STMN1: variants seen among roughly 807,000 people sequenced by gnomAD.
The protein encoded by STMN1 is stathmin.
Under a neutral mutation model 19.7 loss-of-function variants are expected in STMN1, and 3 were observed. The ratio of observed to expected loss-of-function variants is 0.15; its 90% CI spans 0.07 to 0.39. STMN1 has a LOEUF of 0.39. Among genes scored for constraint, STMN1 ranks in the 10% least tolerant of loss-of-function variants. The pLI, the probability that STMN1 is intolerant of heterozygous loss-of-function variation, is 1.00. For synonymous variants in STMN1, 59 were observed against 58.9 expected, an observed-to-expected ratio of 1.00 and a Z score of -0.01; for missense variants, 99 against 176.0, an observed-to-expected ratio of 0.56 and a Z score of 2.48.
chr1:25,890,578 G>C (rs2048763342), intron 4 of STMN1, among the ~76,000 whole-genome samples: 1 of 152,228 alleles, frequency 6.6e-6, no homozygotes, highest in South Asian at 2.1e-4. Flanking sequence ...GGTTGTGTTG[G>C]CTCCAGGTTT....
chr1:25,901,066 G>T lies in STMN1; in HGVS notation c.400C>A (p.Arg134=), dbSNP rs1170844842. The change falls in exon 5 of 5, where the codon CGG becomes AGG. Residue 134 remains arginine (R), a synonymous_variant. Coordinates refer to ENST00000455785, the MANE Select transcript of STMN1 (RefSeq NM_005563.4). ...GGGTCTTTGGATTCTTTGTTCTTCC[G>T]CACTTCTTCAATGTGCTTATCCTGT... The part of the protein sequence containing the change: ...REKDKHIEEV[R]KNKESKDPAD... The T allele has an allele frequency of 1.4e-5, 22 of 1,599,656 alleles. No individual in the cohort carries two copies. The highest frequency in any genetic ancestry group is 1.9e-5 in the Non-Finnish European group (22 of 1,176,604).
Position 25,903,933 on chromosome 1 carries a change from TTG to T in STMN1, c.14-122_14-121del, listed in dbSNP as rs930966396. ...ATTAAACTAGGGCTGATGAGGAAAG[TTG>T]TGTTTTTTTTCCCCTTTTTATTCCT... is the stretch of plus-strand genomic sequence containing the variant. On this transcript the variant is annotated intron_variant, in intron 2 of 4. Transcript: ENST00000455785. 18 of 1,090,914 alleles carry T rather than the reference TTG, an allele frequency of 1.6e-5. No homozygotes were observed. In the African/African-American group the frequency reaches 2.2e-4, roughly 14 times the overall value. The allele number at this position is 1,090,914 out of a possible 1,614,324, so 67.6% of individuals were successfully genotyped here.
At chr1:25,903,104 TTTA>T (rs1469158525) in intron 3 of STMN1, 2 of 152,252 alleles carry the variant, frequency 1.3e-5, no homozygotes, top group African/African-American at 4.8e-5. Flanking sequence ...CATATTAATA[TTTA>T]TTGATTCTTC....
downstream of STMN1, among the ~76,000 whole-genome samples, chr1:25,895,838 TG>T (rs2048814520): frequency 6.6e-6 from 1 of 152,252 alleles, no homozygotes; most frequent in African/African-American, 2.4e-5. Context: ...CAGAGCCATC[TG>T]CAAAGCTGGT....
Position 25,901,541 on chromosome 1 carries a change from CTT to C in STMN1, c.326_327del (p.Lys109ArgfsTer19). 1.2e-6 allele frequency: 2 copies of C among 1,613,980 alleles called. No homozygotes were observed. The highest frequency in any genetic ancestry group is 1.7e-6 in the Non-Finnish European group (2 of 1,179,968). The part of the protein sequence containing the change: ...EKLTHKMEAN[K>X]ENREAQMAAK... Reference sequence around the variant, plus strand: ...GCAGCCATTTGTGCCTCTCGGTTCTCTTTATTAGCTTCCATTTTGTGGGTCAG... The same window carrying C: ...GCAGCCATTTGTGCCTCTCGGTTCTCTATTAGCTTCCATTTTGTGGGTCAG... On this transcript the variant is annotated frameshift_variant, in exon 4 of 5. Transcript: ENST00000455785. LOFTEE classifies it high-confidence loss of function.
chr1:25,894,714 A>AT (rs1302956288), intron 4 of STMN1, among the ~76,000 whole-genome samples: 2 of 152,054 alleles, frequency 1.3e-5, no homozygotes, highest in Admixed American at 1.3e-4. Context: ...CTCCAATTTT[A>AT]TTTTTTTATT....
rs2048864689 is a variant in STMN1, at chr1:25,900,924, T to C, written c.*92A>G. ...AGTCCTACATTAGCTTCTAAAATAT[T>C]TGTCAGGAGGGAAAAAATAAAATGA... On this transcript the variant is annotated 3_prime_UTR_variant, in exon 5 of 5. Transcript: ENST00000455785. 6.3e-7 allele frequency: 1 copy of C among 1,599,372 alleles called. No homozygotes were observed. The highest frequency in any genetic ancestry group is 2.2e-5 in the East Asian group (1 of 44,736).
chr1:25,884,846 GAACAC>G (rs1442192811), downstream of STMN1: 2 of 153,642 alleles, frequency 1.3e-5, no homozygotes, highest in Non-Finnish European at 2.9e-5. Context: ...GCCAGTTCTT[GAACAC>G]AGCCCCTTGA....
At chr1:25,904,483 A>C (rs965420928) in intron 2 of STMN1, among the ~76,000 whole-genome samples, 181 bp downstream of exon 2, 1 of 152,222 alleles carries the variant, frequency 6.6e-6, no homozygotes, top group African/African-American at 2.4e-5. Flanking sequence ...ACTGTCCAAT[A>C]AACAATTACG....
chr1:25,905,458 G>A (rs1288783685), intron 1 of STMN1: 1 of 152,252 alleles, frequency 6.6e-6, no homozygotes, highest in African/African-American at 2.4e-5. Context: ...CAGAGAATTA[G>A]ACGCAGCACC....
In STMN1 at chr1:25,885,661, G is replaced by T; in HGVS notation, c.*62C>A. 3 of 1,481,010 alleles carry T rather than the reference G, an allele frequency of 2.0e-6. No homozygotes were observed. The South Asian group carries it at 4.2e-5, about 21-fold the overall frequency. 91.7% of individuals were successfully genotyped at this position (1,481,010 alleles called of 1,614,324 possible). ...ATCTTCCACATCAAGGATCCTCTTG[G>T]CCAGACTGTTCATCAGTCTCAAGGT... On this transcript the variant is annotated 3_prime_UTR_variant, in exon 5 of 5. Coordinates refer to the STMN1 transcript ENST00000426559.
intron 3 of STMN1, chr1:25,902,528 CAG>C (rs915744176): frequency 1.3e-5 from 2 of 152,250 alleles, no homozygotes; most frequent in Non-Finnish European, 2.9e-5. Flanking sequence ...ACCCCTTCAA[CAG>C]AACAGCTTGT....
At position 25,900,226 on chromosome 1, in the gene STMN1, A is replaced by G; in HGVS notation, c.*790T>C. The stretch of plus-strand genomic sequence containing the variant: ...ACCTGTAACGTAGAGCAAGCAAACC[A>G]CCAAGTAGAATCTTGAGATTCTCTC... On this transcript the variant is annotated 3_prime_UTR_variant, in exon 5 of 5. Coordinates refer to ENST00000455785, the MANE Select transcript of STMN1 (RefSeq NM_005563.4). The G allele has an allele frequency of 4.1e-6, 4 of 985,882 alleles. No homozygotes were observed. The highest frequency in any genetic ancestry group is 4.8e-6 in the Non-Finnish European group (4 of 829,942). 61.1% of individuals were successfully genotyped at this position (985,882 alleles called of 1,614,324 possible).
chr1:25,886,837 C>T (rs1187920350), intron 4 of STMN1, among the ~76,000 whole-genome samples: 2 of 152,056 alleles, frequency 1.3e-5, no homozygotes, highest in African/African-American at 2.4e-5. Flanking sequence ...CTGCCTGCCT[C>T]GGTCTCCCAA....
chr1:25,900,713 C>A lies in STMN1; in HGVS notation c.*303G>T. The A allele has an allele frequency of 9.0e-7, 1 of 1,113,214 alleles. No individual in the cohort carries two copies. Among genetic ancestry groups the A allele is most frequent in the South Asian group, 3.8e-5 (1 of 26,410 alleles). The allele number at this position is 1,113,214 out of a possible 1,614,324, so 69.0% of individuals were successfully genotyped here. A position where few individuals can be genotyped will look rare whatever the true frequency, so the allele number is the denominator to read the frequency against. On this transcript the variant is annotated 3_prime_UTR_variant, in exon 5 of 5. Coordinates refer to ENST00000455785, the MANE Select transcript of STMN1 (RefSeq NM_005563.4). The stretch of plus-strand genomic sequence containing the variant: ...CATACTCTTTTCACAAATATGTTTT[C>A]ACAGAGCCAATACAGTACTAGCCAT...
chr1:25,889,373 G>A (rs755225247), intron 4 of STMN1, among the ~76,000 whole-genome samples: 2 of 152,212 alleles, frequency 1.3e-5, no homozygotes, highest in Non-Finnish European at 2.9e-5. Context: ...TCAGTCCTGG[G>A]AGAGCAGCCA....
chr1:25,885,950 C>T, intron 4 of STMN1: 1 of 1,432,336 alleles, frequency 7.0e-7, no homozygotes, highest in Non-Finnish European at 9.2e-7. Flanking sequence ...TTCATCAGGG[C>T]TAAAACAGTG....
chr1:25,894,552 C>A lies in STMN1; in HGVS notation c.378+6939G>T, dbSNP rs541860413. 1.4e-3 allele frequency among the ~76,000 whole-genome samples: 218 copies of A among 152,190 alleles called. 1 individual carries two copies. The highest frequency in any genetic ancestry group is 4.9e-3 in the African/African-American group (202 of 41,504). On this transcript the variant is annotated intron_variant, in intron 4 of 4. Transcript: ENST00000426559. ...AAAATTAGCCGGCCATTGTGGCATG[C>A]ACCTATAGTCCAAGCTACTCTGGAA...
intron 2 of STMN1, 109 bp from the exon 3 acceptor site, chr1:25,903,922 G>A: frequency 8.6e-7 from 1 of 1,167,716 alleles, no homozygotes; most frequent in Non-Finnish European, 1.2e-6. Flanking sequence ...AACTAGGGCT[G>A]ATGAGGAAAG....
Sources: gnomAD v4.1 joint callset for allele counts (sites outside exome capture counted in the v4.1 genomes callset) on GRCh38, gnomAD v4.1.1 for gene constraint, MANE v1.5 for transcripts, NCBI Gene and HGNC (gene_info 2026-07-23, HGNC 2026-07-21) for gene names.